NWD1: variants seen among roughly 807,000 people sequenced by gnomAD.
NWD1 encodes NACHT and WD repeat domain containing 1, also known as NACHT domain- and WD repeat-containing protein 1.
NWD1 carries 129 observed loss-of-function variants against 135.1 expected under a neutral mutation model. The ratio of observed to expected loss-of-function variants is 0.96; its 90% CI spans 0.83 to 1.11. The LOEUF (loss-of-function observed/expected upper bound fraction) is 1.11. NWD1 is among the 50% of genes least tolerant of loss of function. The pLI, the probability that NWD1 is intolerant of heterozygous loss-of-function variation, is 0.00. For synonymous variants in NWD1, 773 were observed against 786.0 expected, an observed-to-expected ratio of 0.98 and a Z score of 0.28; for missense variants, 1,740 against 1,851.3, an observed-to-expected ratio of 0.94 and a Z score of 1.10.
At chr19:16,736,350 C>T (rs937484655) in intron 3 of NWD1, among the ~76,000 whole-genome samples, 1 of 152,002 alleles carries the variant, frequency 6.6e-6, no homozygotes, top group African/African-American at 2.4e-5. Context: ...CTACCTCAGC[C>T]TCCCGAGTAG....
intron 12 of NWD1, among the ~76,000 whole-genome samples, chr19:16,780,296 C>G (rs1969811963): frequency 6.6e-6 from 1 of 152,020 alleles, no homozygotes; most frequent in African/African-American, 2.4e-5. Context: ...GCTGGGACTA[C>G]AGGCGCCCGC....
In NWD1 at chr19:16,816,625, C is replaced by G. The variant is rs1971074749; in HGVS notation, c.*1586C>G. The G allele has an allele frequency of 6.6e-6, 1 of 152,190 alleles. No homozygotes were observed. Among genetic ancestry groups the G allele is most frequent in the Non-Finnish European group, 1.5e-5 (1 of 68,048 alleles). The allele number at this position is 152,190 out of a possible 1,614,324, so 9.4% of individuals were successfully genotyped here. On this transcript the variant is annotated 3_prime_UTR_variant, in exon 19 of 19. Coordinates refer to ENST00000524140, the MANE Select transcript of NWD1 (RefSeq NM_001007525.5). ...CTTAAGTGGATCTTTCTTCTTTGCC[C>G]ACAGCCTTCTAAAAGCCCTTCTCAG...
intron 12 of NWD1, among the ~76,000 whole-genome samples, chr19:16,782,898 ATCCT>A (rs1179316183): frequency 7.5e-5 from 10 of 133,690 alleles, no homozygotes; most frequent in Admixed American, 7.0e-4. Context: ...TTCTTTTTCC[ATCCT>A]TCCTTCCTTC....
At position 16,779,355 on chromosome 19, in the gene NWD1, T is replaced by C. The variant is rs768257960; in HGVS notation, c.2621T>C (p.Met874Thr). The C allele has an allele frequency of 1.4e-5, 22 of 1,613,772 alleles. No homozygotes were observed. Among genetic ancestry groups the C allele is most frequent in the Non-Finnish European group, 1.8e-5 (21 of 1,179,976 alleles). The change falls in exon 12 of 19, where the codon ATG becomes ACG. Residue 874 changes from methionine (M) to threonine (T), a missense_variant. Met to Thr is a moderately conservative substitution (Grantham distance 81). Transcript: ENST00000524140. ...LSGCHKGITA[M>T]AWGVEEKLLV... Reference sequence around the variant, plus strand: ...TGTGTGGCTGCAGGCATCACCGCCATGGCATGGGGTGTGGAGGAGAAGCTG... The same window carrying C: ...TGTGTGGCTGCAGGCATCACCGCCACGGCATGGGGTGTGGAGGAGAAGCTG...
At position 16,749,256 on chromosome 19, in the gene NWD1, T is replaced by G. The variant is rs749054403; in HGVS notation, c.614T>G (p.Leu205Arg). 1 of 1,614,044 alleles carries G rather than the reference T, an allele frequency of 6.2e-7. No homozygotes were observed. Among genetic ancestry groups the G allele is most frequent in the South Asian group, 1.1e-5 (1 of 91,084 alleles). Residue 205 changes from leucine (L) to arginine (R), a missense_variant, in exon 6 of 19, where the codon CTT (leucine) becomes CGT (arginine). Leu to Arg is a moderately radical substitution (Grantham distance 102). Transcript: ENST00000524140. ...LHKHILEDCALRMVDRLADGC... is the reference protein window; with the variant it reads ...LHKHILEDCARRMVDRLADGC... ...AAACACATCCTTGAAGACTGCGCCC[T>G]TAGGATGGTGGACCGGCTCGCGGAT...
At position 16,749,324 on chromosome 19, in the gene NWD1, A is replaced by G; in HGVS notation, c.682A>G (p.Lys228Glu). 3 of 1,613,898 alleles carry G rather than the reference A, an allele frequency of 1.9e-6. No individual in the cohort carries two copies. Among genetic ancestry groups the G allele is most frequent in the Admixed American group, 1.7e-5 (1 of 59,990 alleles). The change falls in exon 6 of 19, where the codon AAA (lysine) becomes GAA (glutamate). Residue 228 changes from lysine (K) to glutamate (E), a missense_variant. Coordinates refer to ENST00000524140, the MANE Select transcript of NWD1 (RefSeq NM_001007525.5). ...TGCCCAGAACCTTCTCAGCAGCCTC[A>G]AAAGTCACATCACTGACATGCACCC... is the stretch of plus-strand genomic sequence containing the variant. Reference protein sequence around the residue: ...ADAQNLLSSLKSHITDMHPGV... With the variant: ...ADAQNLLSSLESHITDMHPGV...
intron 9 of NWD1, among the ~76,000 whole-genome samples, chr19:16,764,692 C>T (rs981315486): frequency 6.7e-6 from 1 of 150,328 alleles, no homozygotes; most frequent in East Asian, 1.9e-4. Flanking sequence ...TTTCTATCTC[C>T]CTCTCTCTCT....
At position 16,764,021 on chromosome 19, in the gene NWD1, G is replaced by A. The variant is rs1969122104; in HGVS notation, c.2251+76G>A. On this transcript the variant is annotated intron_variant, in intron 9 of 18. Transcript: ENST00000524140. ...CTCCAGTCTTCTAGAGCCTGGGGAG[G>A]GTGAAGGGCAAACATGGAAATCCTT... The A allele has an allele frequency of 3.4e-6, 3 of 887,656 alleles. No individual in the cohort carries two copies. The African/African-American group carries it at 5.0e-5, about 15-fold the overall frequency. The allele number at this position is 887,656 out of a possible 1,614,324, so 55.0% of individuals were successfully genotyped here.
At chr19:16,803,755 TA>T (rs756016333) in intron 17 of NWD1, among the ~76,000 whole-genome samples, 4,239 of 128,430 alleles carry the variant, frequency 0.033, 105 homozygotes, top group African/African-American at 0.072. Flanking sequence ...CAACTCTACT[TA>T]AAAAAAAAAA....
chr19:16,789,430 A>AT (rs1970167332), intron 13 of NWD1, among the ~76,000 whole-genome samples: 2 of 152,136 alleles, frequency 1.3e-5, no homozygotes, highest in African/African-American at 2.4e-5. Context: ...GAATATCAGC[A>AT]TTTTAGGGCT....
chr19:16,774,475 C>G (rs976251026), intron 11 of NWD1, among the ~76,000 whole-genome samples: 4 of 149,410 alleles, frequency 2.7e-5, no homozygotes, highest in Admixed American at 7.3e-5. Flanking sequence ...ATCCATCCAC[C>G]CATCCACCCA....
At chr19:16,738,613 T>C (rs1296222660) in intron 4 of NWD1, among the ~76,000 whole-genome samples, 2 of 146,094 alleles carry the variant, frequency 1.4e-5, no homozygotes, top group Non-Finnish European at 3.0e-5. Context: ...AGAGATATTC[T>C]ATTTTCTGAG....
intron 12 of NWD1, among the ~76,000 whole-genome samples, chr19:16,788,122 C>T (rs1273940405): frequency 2.7e-5 from 4 of 147,462 alleles, no homozygotes; most frequent in South Asian, 2.1e-4. Context: ...CCCAGCTACT[C>T]GAGAGGCTGA....
chr19:16,807,511 A>T, intron 17 of NWD1, 75 bp from the exon 18 acceptor site: 1 of 1,306,318 alleles, frequency 7.7e-7, no homozygotes, highest in Non-Finnish European at 1.1e-6. Flanking sequence ...AACAAAACAA[A>T]AAAAACCACC....
chr19:16,755,341 C>T (rs1968749084), intron 6 of NWD1, among the ~76,000 whole-genome samples: 1 of 151,658 alleles, frequency 6.6e-6, no homozygotes, highest in South Asian at 2.1e-4. Flanking sequence ...TCAGCCCCCT[C>T]TGAGTAGCTG....
chr19:16,813,084 C>T (rs1376270051), intron 18 of NWD1, among the ~76,000 whole-genome samples: 3 of 152,196 alleles, frequency 2.0e-5, no homozygotes, highest in African/African-American at 7.2e-5. Context: ...CACAGGCTTC[C>T]TGCATACAGC....
At chr19:16,756,306 A>G (rs1033838375) in intron 6 of NWD1, among the ~76,000 whole-genome samples, 4 of 152,182 alleles carry the variant, frequency 2.6e-5, no homozygotes, top group Admixed American at 1.3e-4. Flanking sequence ...ATGAAGTGGA[A>G]GTGGATATCA....
rs1220197791 is a variant in NWD1 at position 16,807,881 on chromosome 19, C to T, written c.4032C>T (p.Tyr1344=). 1 of 1,614,246 alleles carries T rather than the reference C, an allele frequency of 6.2e-7. No individual in the cohort carries two copies. Among genetic ancestry groups the T allele is most frequent in the Admixed American group, 1.7e-5 (1 of 60,020 alleles). ...PVIDGPRYTF[Y]TQLPETLSSV... ...TCGATGGGCCAAGATACACCTTTTA[C>T]ACTCAGCTGCCCGAGACCCTCTCCA... The change falls in exon 18 of 19, where the codon TAC becomes TAT. Residue 1344 remains tyrosine (Y), a synonymous_variant. Coordinates refer to ENST00000524140, the MANE Select transcript of NWD1 (RefSeq NM_001007525.5).
chr19:16,762,175 C>A (rs753631547), intron 8 of NWD1, 37 bp downstream of exon 8: 2 of 1,594,300 alleles, frequency 1.3e-6, no homozygotes, highest in Non-Finnish European at 1.7e-6. Flanking sequence ...CACCTGCAAC[C>A]TCCACCCTGC....
Sources: gnomAD v4.1 joint callset for allele counts (sites outside exome capture counted in the v4.1 genomes callset) on GRCh38, gnomAD v4.1.1 for gene constraint, MANE v1.5 for transcripts, NCBI Gene and HGNC (gene_info 2026-07-23, HGNC 2026-07-21) for gene names.